Variants in CHRDL1 observed in about 807,000 individuals in gnomAD.
CHRDL1 encodes the protein chordin like 1.
Under a neutral mutation model 40.9 loss-of-function variants are expected in CHRDL1, and 19 were observed. That is an observed-to-expected ratio of 0.46 (90% CI 0.32 to 0.68). CHRDL1 has a LOEUF of 0.68. CHRDL1 is among the 30% of genes least tolerant of loss of function. The pLI is 0.03. For missense variants in CHRDL1, 329 were observed against 352.1 expected (o/e 0.93, Z 0.53); for synonymous variants, 136 against 123.4 (o/e 1.10, Z -0.68).
chrX:110,683,513 C>T (rs945364145), intron 9 of CHRDL1, among the ~76,000 whole-genome samples: 6 of 111,817 alleles, frequency 5.4e-5, no homozygotes, highest in African/African-American at 2.0e-4. Context: ...ACTTTTAAGT[C>T]TTAATAGGGA....
intron 2 of CHRDL1, among the ~76,000 whole-genome samples, chrX:110,772,365 G>A (rs1381814282): frequency 1.8e-5 from 2 of 113,060 alleles, no homozygotes; most frequent in East Asian, 5.5e-4. Context: ...TTGGCCGGGT[G>A]TGGTGGCTCA....
chrX:110,748,989 A>G (rs1162827960), intron 4 of CHRDL1, among the ~76,000 whole-genome samples: 1 of 111,609 alleles, frequency 9.0e-6, no homozygotes, highest in East Asian at 2.8e-4. Flanking sequence ...GCACAAGAAA[A>G]TAATCACAAA....
At chrX:110,720,577 CATTAAGAAAG>C (rs1426681879) in intron 5 of CHRDL1, among the ~76,000 whole-genome samples, 1 of 111,637 alleles carries the variant, frequency 9.0e-6, no homozygotes, top group Non-Finnish European at 1.9e-5. Context: ...CCTGGAAGGC[CATTAAGAAAG>C]CAAGGCCACA....
At chrX:110,689,877 A>C (rs866733061) in intron 8 of CHRDL1, among the ~76,000 whole-genome samples, 6 of 68,849 alleles carry the variant, frequency 8.7e-5, no homozygotes, top group East Asian at 7.0e-4. Flanking sequence ...ATCTATATAT[A>C]TCTATATATC....
chrX:110,753,647 T>C lies in CHRDL1; in HGVS notation c.301+6014A>G, dbSNP rs574898597. On this transcript the variant is annotated intron_variant, in intron 4 of 11. Coordinates refer to ENST00000372042, the MANE Select transcript of CHRDL1 (RefSeq NM_001143981.2). ...AGGAAACACAAAAGGCCTGTCTACT[T>C]GATTACTGTAACTGTGGAAGTCACA... Among the ~76,000 whole-genome samples, 20 of 112,136 alleles carry C rather than the reference T, an allele frequency of 1.8e-4. No individual in the cohort carries two copies. In the South Asian group the frequency reaches 7.1e-3, roughly 40 times the overall value.
At position 110,674,390 on chromosome X, in the gene CHRDL1, C is replaced by T. The variant is rs1008735913; in HGVS notation, c.*1841G>A. The T allele has an allele frequency of 9.2e-6, 1 of 108,701 alleles. No homozygotes were observed. The highest frequency in any genetic ancestry group is 3.4e-5 in the African/African-American group (1 of 29,669). The allele number at this position is 108,701 out of a possible 1,213,427, so 9.0% of individuals were successfully genotyped here. A position where few individuals can be genotyped will look rare whatever the true frequency, so the allele number is the denominator to read the frequency against. On this transcript the variant is annotated 3_prime_UTR_variant, in exon 12 of 12. Coordinates refer to ENST00000372042, the MANE Select transcript of CHRDL1 (RefSeq NM_001143981.2). ...TGCCTTAGGATCTAGTTACTAGTCT[C>T]CACATTATGGAATCACTGCCACCTC...
intron 4 of CHRDL1, among the ~76,000 whole-genome samples, chrX:110,736,027 A>G (rs551517338): frequency 8.9e-6 from 1 of 112,395 alleles, no homozygotes; most frequent in African/African-American, 3.2e-5. Context: ...CTGGCTTCAG[A>G]AAGTGGTCCC....
chrX:110,680,589 G>A (rs1001710822), intron 10 of CHRDL1, among the ~76,000 whole-genome samples: 1 of 111,940 alleles, frequency 8.9e-6, no homozygotes, highest in African/African-American at 3.3e-5. Context: ...CTATCTCTGG[G>A]ATGGGGCCAG....
chrX:110,708,672 A>G (rs2148451090), intron 6 of CHRDL1, among the ~76,000 whole-genome samples: 1 of 111,637 alleles, frequency 9.0e-6, no homozygotes, highest in South Asian at 3.8e-4. Flanking sequence ...AAAATCATAA[A>G]TACTTACTTT....
chrX:110,705,080 T>C (rs2070595712), intron 6 of CHRDL1, among the ~76,000 whole-genome samples: 1 of 108,901 alleles, frequency 9.2e-6, no homozygotes, highest in Admixed American at 1.0e-4. Context: ...CAAAGCATTA[T>C]AGAAGCACAT....
chrX:110,742,219 G>C (rs1465418831), intron 4 of CHRDL1, among the ~76,000 whole-genome samples: 1 of 111,919 alleles, frequency 8.9e-6, no homozygotes, highest in Non-Finnish European at 1.9e-5. Flanking sequence ...ATGTGGTGAA[G>C]GGAGGGCGCT....
chrX:110,684,697 G>C (rs1217512615), intron 9 of CHRDL1, among the ~76,000 whole-genome samples: 1 of 112,757 alleles, frequency 8.9e-6, no homozygotes, highest in Non-Finnish European at 1.9e-5. Context: ...ATGTAACCGT[G>C]TCTTGCACAC....
chrX:110,694,627 G>A (rs376822739), intron 7 of CHRDL1, among the ~76,000 whole-genome samples: 1 of 112,321 alleles, frequency 8.9e-6, no homozygotes, highest in East Asian at 2.8e-4. Context: ...AAAGGCTAAA[G>A]CGTCCTTCCT....
Position 110,776,444 on chromosome X carries a change from T to A in CHRDL1, c.95-13637A>T, listed in dbSNP as rs1336203232. On this transcript the variant is annotated intron_variant, in intron 2 of 11. Transcript: ENST00000372042. Reference sequence around the variant, plus strand: ...GTCTACTGGTGACAAATTCTCTCACTTTTTGTCTGAGAAAGTCTTTACTTA... The same window carrying A: ...GTCTACTGGTGACAAATTCTCTCACATTTTGTCTGAGAAAGTCTTTACTTA... 3.6e-5 allele frequency among the ~76,000 whole-genome samples: 4 copies of A among 111,806 alleles called. No individual in the cohort carries two copies. The East Asian group carries it at 8.4e-4, about 23-fold the overall frequency.
At chrX:110,720,599 GA>G (rs2070932790) in intron 5 of CHRDL1, among the ~76,000 whole-genome samples, 1 of 111,529 alleles carries the variant, frequency 9.0e-6, no homozygotes, top group African/African-American at 3.3e-5. Flanking sequence ...AAGGCCACAC[GA>G]AAATTCTCCT....
chrX:110,735,222 A>T (rs1239283650), intron 4 of CHRDL1, among the ~76,000 whole-genome samples: 2 of 111,969 alleles, frequency 1.8e-5, no homozygotes, highest in Non-Finnish European at 3.8e-5. Flanking sequence ...GCTCTGTGAA[A>T]ACAAAATTCT....
chrX:110,676,507 A>G (rs2069781152), intron 11 of CHRDL1, 146 bp from the exon 12 acceptor site: 1 of 496,428 alleles, frequency 2.0e-6, no homozygotes, highest in Admixed American at 4.5e-5. Flanking sequence ...TTGGTTTCAA[A>G]AAATGGCCCC....
At chrX:110,693,957 G>A (rs924771155) in intron 8 of CHRDL1, among the ~76,000 whole-genome samples, 2 of 111,345 alleles carry the variant, frequency 1.8e-5, no homozygotes, top group East Asian at 2.8e-4. Flanking sequence ...AAAAGGGACC[G>A]GACTATGCTC....
intron 4 of CHRDL1, among the ~76,000 whole-genome samples, chrX:110,727,305 G>A (rs182757832): frequency 1.7e-3 from 190 of 111,742 alleles, no homozygotes; most frequent in Admixed American, 4.1e-3. Flanking sequence ...AGAGGTACTT[G>A]AGGGATGTGA....
Sources: allele counts gnomAD v4.1 joint callset (sites outside exome capture counted in the v4.1 genomes callset), GRCh38; gene constraint gnomAD v4.1.1; transcripts MANE v1.5; gene names NCBI Gene and HGNC (gene_info 2026-07-23, HGNC 2026-07-21).